The following FGGY variants were observed in gnomAD, a reference collection of about 807,000 sequenced individuals.
The protein encoded by FGGY is FGGY carbohydrate kinase domain containing, also known as FGGY carbohydrate kinase domain-containing protein.
FGGY carries 72 observed loss-of-function variants against 71.3 expected under a neutral mutation model. The ratio of observed to expected loss-of-function variants is 1.01; its 90% CI spans 0.84 to 1.23. The LOEUF (loss-of-function observed/expected upper bound fraction) is 1.23, where lower values mean the gene tolerates loss of function less well. Among genes scored for constraint, FGGY ranks in the 50% most tolerant of loss-of-function variants. FGGY has a pLI of 0.00. For synonymous variants in FGGY, 251 were observed against 250.3 expected, an observed-to-expected ratio of 1.00 and a Z score of -0.02; for missense variants, 668 against 682.3, an observed-to-expected ratio of 0.98 and a Z score of 0.23.
At chr1:59,463,322 GTCA>G (rs2092387099) in intron 6 of FGGY, among the ~76,000 whole-genome samples, 1 of 152,136 alleles carries the variant, frequency 6.6e-6, no homozygotes, top group Non-Finnish European at 1.5e-5. Context: ...GAGAGATTTT[GTCA>G]CCACCAGGCC....
chr1:59,617,708 C>T (rs1025599339), intron 9 of FGGY, among the ~76,000 whole-genome samples: 1 of 152,078 alleles, frequency 6.6e-6, no homozygotes, highest in Non-Finnish European at 1.5e-5. Flanking sequence ...TTTCCAGGTG[C>T]TCTTGTTTGT....
intron 6 of FGGY, among the ~76,000 whole-genome samples, chr1:59,509,745 C>T (rs998053286): frequency 3.3e-5 from 5 of 152,332 alleles, no homozygotes; most frequent in Middle Eastern, 3.4e-3. Flanking sequence ...CTCTCTGCCT[C>T]GCAGTGGTCT....
chr1:59,306,320 G>T (rs55749219), intron 1 of FGGY, among the ~76,000 whole-genome samples: 2 of 152,136 alleles, frequency 1.3e-5, no homozygotes, highest in African/African-American at 4.8e-5. Flanking sequence ...ACTTCAAGGT[G>T]CTAAGAGCAT....
At chr1:59,296,770 G>A (rs2042004625), upstream of FGGY, 1 of 153,206 alleles carries the variant, frequency 6.5e-6, no homozygotes. Context: ...TACAGGGGCC[G>A]CGCCGGCGGG....
chr1:59,303,974 A>G (rs1215985651), intron 1 of FGGY, among the ~76,000 whole-genome samples: 3 of 152,108 alleles, frequency 2.0e-5, no homozygotes, highest in Admixed American at 1.3e-4. Context: ...TTTTAAAAAT[A>G]TATTTTGGAT....
At chr1:59,481,761 A>G (rs1323901039) in intron 6 of FGGY, among the ~76,000 whole-genome samples, 1 of 152,164 alleles carries the variant, frequency 6.6e-6, no homozygotes, top group Non-Finnish European at 1.5e-5. Flanking sequence ...CCAGCGGTCT[A>G]AGTAAGAGAT....
intron 4 of FGGY, among the ~76,000 whole-genome samples, chr1:59,355,733 T>TA (rs1415567071): frequency 6.6e-6 from 1 of 151,962 alleles, no homozygotes; most frequent in African/African-American, 2.4e-5. Flanking sequence ...AGCTACACAA[T>TA]AGTAGGTTGT....
At chr1:59,588,684 A>G (rs570113218) in intron 8 of FGGY, among the ~76,000 whole-genome samples, 1 of 152,308 alleles carries the variant, frequency 6.6e-6, no homozygotes, top group African/African-American at 2.4e-5. Context: ...ATATCCAGCC[A>G]AACTAAGCTT....
chr1:59,720,328 G>A (rs552730305), intron 14 of FGGY, among the ~76,000 whole-genome samples: 2 of 152,118 alleles, frequency 1.3e-5, no homozygotes, highest in African/African-American at 2.4e-5. Context: ...AGTATGTCAG[G>A]GGGAAAAAAA....
intron 10 of FGGY, among the ~76,000 whole-genome samples, chr1:59,627,158 GAAAAGAAAAGAAAGGAAAAGAA>G (rs2096864841): frequency 6.6e-6 from 1 of 151,606 alleles, no homozygotes; most frequent in Non-Finnish European, 1.5e-5. Flanking sequence ...AGGGGGTTGG[GAAAAGAAAAGAAAGGAAAAGAA>G]AAAAGAAAAG....
At chr1:59,741,973 G>A (rs1190188075) in intron 14 of FGGY, among the ~76,000 whole-genome samples, 2 of 149,666 alleles carry the variant, frequency 1.3e-5, no homozygotes, top group East Asian at 3.9e-4. Context: ...TCACCGTGGT[G>A]CATACATGTA....
At position 59,510,693 on chromosome 1, in the gene FGGY, A is replaced by C. The variant is rs192821494; in HGVS notation, c.671-1618A>C. Among the ~76,000 whole-genome samples the C allele has an allele frequency of 2.8e-4, 43 of 152,348 alleles. No individual in the cohort carries two copies. In the East Asian group the frequency reaches 8.1e-3, roughly 29 times the overall value. Reference sequence around the variant, plus strand: ...TAATGTATCTTATTTAACTTAGTATATTCAAATTATTATTTTAACATGGAA... The same window carrying C: ...TAATGTATCTTATTTAACTTAGTATCTTCAAATTATTATTTTAACATGGAA... On this transcript the variant is annotated intron_variant, in intron 6 of 15. Coordinates refer to ENST00000303721, the MANE Select transcript of FGGY (RefSeq NM_018291.5).
intron 6 of FGGY, among the ~76,000 whole-genome samples, chr1:59,499,554 G>C (rs767730359): frequency 2.0e-5 from 3 of 152,032 alleles, no homozygotes; most frequent in African/African-American, 7.2e-5. Context: ...CATGGAAAGC[G>C]AAACTGCAGA....
chr1:59,609,012 C>T (rs969579822), intron 9 of FGGY, among the ~76,000 whole-genome samples: 1 of 152,064 alleles, frequency 6.6e-6, no homozygotes. Context: ...ACAGAGTTGG[C>T]ACAAAGCTAG....
At chr1:59,551,989 G>A (rs2095615350) in intron 7 of FGGY, among the ~76,000 whole-genome samples, 1 of 152,126 alleles carries the variant, frequency 6.6e-6, no homozygotes, top group African/African-American at 2.4e-5. Context: ...ACCCAAAAAT[G>A]GCGATCCTGA....
At chr1:59,609,485 G>A (rs1355371350) in intron 9 of FGGY, among the ~76,000 whole-genome samples, 1 of 152,240 alleles carries the variant, frequency 6.6e-6, no homozygotes, top group Non-Finnish European at 1.5e-5. Context: ...GGACTTGAAT[G>A]AGGACAGTAA....
intron 5 of FGGY, among the ~76,000 whole-genome samples, chr1:59,397,156 A>G (rs2061423330): frequency 6.6e-6 from 1 of 152,146 alleles, no homozygotes; most frequent in Non-Finnish European, 1.5e-5. Context: ...GGACTGTACA[A>G]ATATTGATGC....
At chr1:59,505,962 A>C (rs184894073) in intron 6 of FGGY, among the ~76,000 whole-genome samples, 75 of 152,242 alleles carry the variant, frequency 4.9e-4, no homozygotes, top group Admixed American at 1.2e-3. Flanking sequence ...CTCAGACTGA[A>C]TCTGCCCATC....
chr1:59,318,047 G>A (rs1437066791), intron 1 of FGGY, among the ~76,000 whole-genome samples: 1 of 152,196 alleles, frequency 6.6e-6, no homozygotes, highest in Non-Finnish European at 1.5e-5. Context: ...GGAATAGCAG[G>A]AGGCAGTGGA....
Sources: gnomAD v4.1 joint callset for allele counts (sites outside exome capture counted in the v4.1 genomes callset) on GRCh38, gnomAD v4.1.1 for gene constraint, MANE v1.5 for transcripts, NCBI Gene and HGNC (gene_info 2026-07-23, HGNC 2026-07-21) for gene names.